The following ACAN variants were observed in gnomAD, a reference collection of about 807,000 sequenced individuals.
ACAN encodes the protein aggrecan core protein.
In ACAN, 47 loss-of-function variants were observed where a neutral mutation model predicts 169.1. The ratio of observed to expected loss-of-function variants is 0.28; its 90% CI spans 0.22 to 0.35. ACAN has a LOEUF of 0.35. Ranked by LOEUF, ACAN falls within the 10% of genes least tolerant of loss-of-function variation. The pLI is 1.00. For synonymous variants in ACAN, 1,115 were observed against 1,112.2 expected (o/e 1.00, Z -0.05); for missense variants, 2,716 against 2,759.9 (o/e 0.98, Z 0.36).
At chr15:88,817,028 A>T (rs1168814441) in intron 1 of ACAN, among the ~76,000 whole-genome samples, 2 of 152,106 alleles carry the variant, frequency 1.3e-5, no homozygotes, top group Non-Finnish European at 2.9e-5. Flanking sequence ...GTCGGCTGCC[A>T]CCTTGGTCAC....
Position 88,857,523 on chromosome 15 carries a change from G to T in ACAN, c.4938G>T (p.Leu1646=). 6.2e-7 allele frequency: 1 copy of T among 1,613,950 alleles called. No individual in the cohort carries two copies. The stretch of plus-strand genomic sequence containing the variant: ...TTGGAAGTGGCCCACCCTCTGGCCT[G>T]CCTGACTTTAGTGGACTTCCATCTG... ...VDLGSGPPSG[L]PDFSGLPSGF... Residue 1646 remains leucine, a synonymous_variant, in exon 12 of 19, where the codon CTG becomes CTT. Transcript: ENST00000560601.
rs1896727152 is a variant in ACAN at position 88,843,783 on chromosome 15, A to G, written c.1051+135A>G. 9.0e-7 allele frequency: 1 copy of G among 1,105,450 alleles called. No individual in the cohort carries two copies. Among genetic ancestry groups the G allele is most frequent in the Non-Finnish European group, 1.2e-6 (1 of 800,016 alleles). 68.5% of individuals were successfully genotyped at this position (1,105,450 alleles called of 1,614,324 possible). On this transcript the variant is annotated intron_variant, in intron 6 of 18. Transcript: ENST00000560601. The surrounding 1 kb of genome is among the most constrained non-coding windows in gnomAD (Gnocchi z 4.0). ...CGGGGTACCTGAACCCCATGTTTTT[A>G]GGACACCCCTCCATTTTCACTGGTT... is the stretch of plus-strand genomic sequence containing the variant.
At chr15:88,815,069 A>C (rs1895905412) in intron 1 of ACAN, among the ~76,000 whole-genome samples, 1 of 151,742 alleles carries the variant, frequency 6.6e-6, no homozygotes, top group South Asian at 2.1e-4. Context: ...CAGACAGGAC[A>C]GAAATCCGGA....
Position 88,874,322 on chromosome 15 carries a change from A to G in ACAN, c.7631-83A>G. 7.5e-7 allele frequency: 1 copy of G among 1,329,868 alleles called. No individual in the cohort carries two copies. The highest frequency in any genetic ancestry group is 1.1e-6 in the Non-Finnish European group (1 of 946,592). The allele number at this position is 1,329,868 out of a possible 1,614,324, so 82.4% of individuals were successfully genotyped here. On this transcript the variant is annotated intron_variant, in intron 18 of 18. Transcript: ENST00000560601. This position sits in a 1 kb window ranked among gnomAD's most constrained non-coding sequence, Gnocchi z 7.3. ...CTGAGTCCTGGTTTCCACAAGGGAG[A>G]GAGGGTAGTCTGGGGAGAGCCTGGG...
chr15:88,817,919 C>T lies in ACAN; in HGVS notation c.-8+14110C>T, dbSNP rs540330520. ...AGAAAAAATAAAAATATACTATAGA[C>T]TTACCACCCAAAGATAACCAGAGTT... On this transcript the variant is annotated intron_variant, in intron 1 of 18. Coordinates refer to ENST00000560601, the MANE Select transcript of ACAN (RefSeq NM_001369268.1). Among the ~76,000 whole-genome samples, 22 of 149,964 alleles carry T rather than the reference C, an allele frequency of 1.5e-4. 1 individual carries two copies. In the South Asian group the frequency reaches 3.2e-3, roughly 22 times the overall value.
At chr15:88,859,563 C>T in intron 12 of ACAN, 146 bp downstream of exon 12, 1 of 1,082,300 alleles carries the variant, frequency 9.2e-7, no homozygotes, top group Non-Finnish European at 1.4e-6. Flanking sequence ...TAGTCTTCCC[C>T]TCTCTGAGCC....
chr15:88,818,616 C>A (rs1352104826), intron 1 of ACAN, among the ~76,000 whole-genome samples: 2 of 152,132 alleles, frequency 1.3e-5, no homozygotes, highest in Non-Finnish European at 2.9e-5. Context: ...AATTTATTGG[C>A]CACTCAAATA....
At chr15:88,817,231 T>C (rs1888128702) in intron 1 of ACAN, among the ~76,000 whole-genome samples, 1 of 152,126 alleles carries the variant, frequency 6.6e-6, no homozygotes, top group Non-Finnish European at 1.5e-5. Flanking sequence ...AACCTCTGCC[T>C]CCCGGGTTCA....
chr15:88,804,748 T>A (rs1895634508), intron 1 of ACAN, among the ~76,000 whole-genome samples: 1 of 152,162 alleles, frequency 6.6e-6, no homozygotes, highest in African/African-American at 2.4e-5. Context: ...ATCATTATCC[T>A]CCTTTCAGTC....
At chr15:88,840,745 G>T (rs188707055) in intron 4 of ACAN, among the ~76,000 whole-genome samples, 3 of 150,466 alleles carry the variant, frequency 2.0e-5, no homozygotes, top group Non-Finnish European at 4.4e-5. Context: ...TTGCAGTCTC[G>T]GGGTAGGAAA....
chr15:88,839,133 C>T lies in ACAN; in HGVS notation c.454+87C>T. 2 of 1,528,644 alleles carry T rather than the reference C, an allele frequency of 1.3e-6. No homozygotes were observed. Among genetic ancestry groups the T allele is most frequent in the South Asian group, 1.2e-5 (1 of 80,218 alleles). The allele number at this position is 1,528,644 out of a possible 1,614,324, so 94.7% of individuals were successfully genotyped here. A position where few individuals can be genotyped will look rare whatever the true frequency, so the allele number is the denominator to read the frequency against. Reference sequence around the variant, plus strand: ...GCAGTGCAGGCGCAGGCAGGCTGGCCTTCAAACCAGCTCCTCCACGCACCT... The same window carrying T: ...GCAGTGCAGGCGCAGGCAGGCTGGCTTTCAAACCAGCTCCTCCACGCACCT... On this transcript the variant is annotated intron_variant, in intron 3 of 18. Transcript: ENST00000560601. This position sits in a 1 kb window ranked among gnomAD's most constrained non-coding sequence, Gnocchi z 4.5.
chr15:88,818,211 G>A (rs1259551663), intron 1 of ACAN, among the ~76,000 whole-genome samples: 3 of 152,226 alleles, frequency 2.0e-5, no homozygotes, highest in Non-Finnish European at 4.4e-5. Context: ...AGAGAGCCAT[G>A]TCTGCAATGA....
At position 88,873,027 on chromosome 15, in the gene ACAN, T is replaced by A; in HGVS notation, c.7447+2T>A. 6.2e-7 allele frequency: 1 copy of A among 1,612,068 alleles called. No individual in the cohort carries two copies. Among genetic ancestry groups the A allele is most frequent in the Middle Eastern group, 1.7e-4 (1 of 6,056 alleles). On this transcript the variant is annotated splice_donor_variant, in intron 17 of 18. Transcript: ENST00000560601. LOFTEE classifies it high-confidence loss of function. This position sits in a 1 kb window ranked among gnomAD's most constrained non-coding sequence, Gnocchi z 7.5. ...CCTTCACGTGTAAAAAGGGCACAGG[T>A]AAGCTGGCGCCTGGGAGGGGTCAGG...
In ACAN at chr15:88,861,358, G is replaced by GA. The variant is rs1897189943; in HGVS notation, c.6946+925dup. On this transcript the variant is annotated intron_variant, in intron 13 of 18. Transcript: ENST00000560601. This position sits in a 1 kb window ranked among gnomAD's most constrained non-coding sequence, Gnocchi z 6.3. ...CAAAAATGAAAAAACGAATCCTGGA[G>GA]AAAAAACAATCACTTCCACGTAAAC... 1.3e-5 allele frequency among the ~76,000 whole-genome samples: 2 copies of GA among 152,034 alleles called. No individual in the cohort carries two copies. The highest frequency in any genetic ancestry group is 1.3e-4 in the Admixed American group (2 of 15,262).
At chr15:88,808,905 A>G (rs573905349) in intron 1 of ACAN, among the ~76,000 whole-genome samples, 2 of 152,232 alleles carry the variant, frequency 1.3e-5, no homozygotes, top group East Asian at 3.9e-4. Context: ...GGAAAAGAAA[A>G]GTCCGAGCCC....
At chr15:88,828,154 G>T (rs1896270952) in intron 1 of ACAN, among the ~76,000 whole-genome samples, 1 of 152,178 alleles carries the variant, frequency 6.6e-6, no homozygotes, top group Non-Finnish European at 1.5e-5. Flanking sequence ...GGTGGCATTT[G>T]CATGGGGCCT....
Position 88,840,105 on chromosome 15 carries a change from C to T in ACAN, c.548C>T (p.Ala183Val), listed in dbSNP as rs1293500351. ...TGCCTGCAGAACAGTGCCATCATTG[C>T]CACGCCTGAGCAGCTGCAGGCCGCC... ...RACLQNSAII[A>V]TPEQLQAAYE... Residue 183 changes from alanine to valine, a missense_variant, in exon 4 of 19, where the codon GCC becomes GTC. This residue lies in a region of ACAN where 1,283 missense variants were observed against 1,281.5 expected (regional missense o/e 1.00). Transcript: ENST00000560601. 2 of 1,605,256 alleles carry T rather than the reference C, an allele frequency of 1.2e-6. No homozygotes were observed.
rs186169997 is a variant in ACAN at position 88,840,929 on chromosome 15, A to G, written c.629+743A>G. 5.0e-3 allele frequency among the ~76,000 whole-genome samples: 769 copies of G among 152,284 alleles called. 2 individuals are homozygous for G. The highest frequency in any genetic ancestry group is 0.014 in the East Asian group (71 of 5,176). ...GGAGGCCAAGGCGGGCAGATCACGAAGTCAGGAGATCGAGACCATCCTAGC... is the reference window on the plus strand; with the variant it reads ...GGAGGCCAAGGCGGGCAGATCACGAGGTCAGGAGATCGAGACCATCCTAGC... On this transcript the variant is annotated intron_variant, in intron 4 of 18. Transcript: ENST00000560601.
chr15:88,865,714 G>C (rs923524987), intron 13 of ACAN, among the ~76,000 whole-genome samples: 1 of 152,092 alleles, frequency 6.6e-6, no homozygotes, highest in Non-Finnish European at 1.5e-5. Flanking sequence ...TCACAGCAGG[G>C]CCCAGCCCAA....
Sources: gnomAD v4.1 joint callset for allele counts (sites outside exome capture counted in the v4.1 genomes callset) on GRCh38, gnomAD v4.1.1 for gene constraint, gnomAD v4.1.1 regional missense constraint, Gnocchi (gnomAD v3.1) non-coding constraint, MANE v1.5 for transcripts, NCBI Gene and HGNC (gene_info 2026-07-23, HGNC 2026-07-21) for gene names.